ANK2: variants seen among roughly 807,000 people sequenced by gnomAD.
The protein encoded by ANK2 is ankyrin 2.
A neutral mutation model predicts 360.5 loss-of-function variants in ANK2; 83 were observed. The observed-to-expected ratio is 0.23, with a 90% confidence interval of 0.19 to 0.28. ANK2 has a LOEUF of 0.28. Among genes scored for constraint, ANK2 ranks in the 10% least tolerant of loss-of-function variants. The probability of loss-of-function intolerance (pLI) is 1.00; values close to 1 mark genes in which losing one functional copy is unlikely to be tolerated. For synonymous variants in ANK2, 1,740 were observed against 1,759.5 expected (o/e 0.99, Z 0.28); for missense variants, 4,201 against 4,795.7 (o/e 0.88, Z 3.66).
chr4:113,086,181 C>G (rs2084647201), intron 1 of ANK2, among the ~76,000 whole-genome samples: 1 of 152,158 alleles, frequency 6.6e-6, no homozygotes, highest in African/African-American at 2.4e-5. Context: ...CCACTGCATC[C>G]TGTTAATATA....
intron 24 of ANK2, among the ~76,000 whole-genome samples, chr4:113,315,645 T>C (rs960494578): frequency 7.2e-5 from 11 of 152,114 alleles, no homozygotes; most frequent in Admixed American, 2.0e-4. Context: ...ACGCCTGTAA[T>C]CCCAGCACTT....
At position 113,271,722 on chromosome 4, in the gene ANK2, A is replaced by G. The variant is rs547962848; in HGVS notation, c.1486-2730A>G. 6.6e-5 allele frequency among the ~76,000 whole-genome samples: 10 copies of G among 152,362 alleles called. No individual in the cohort carries two copies. The South Asian group carries it at 1.9e-3, about 28-fold the overall frequency. ...CAATATATAACAAAAGAAAAACCAT[A>G]TACTCATAATAACATCTGTAATTTT... On this transcript the variant is annotated intron_variant, in intron 14 of 45. Coordinates refer to ENST00000357077, the MANE Select transcript of ANK2 (RefSeq NM_001148.6).
At chr4:113,350,023 G>A (rs1311026390) in intron 36 of ANK2, among the ~76,000 whole-genome samples, 4 of 152,186 alleles carry the variant, frequency 2.6e-5, no homozygotes, top group African/African-American at 9.6e-5. Flanking sequence ...TACCTGTAGT[G>A]TCTAGAAAAC....
chr4:112,728,069 C>G, the ANK2 span, among the ~76,000 whole-genome samples: 2 of 151,456 alleles, frequency 1.3e-5, no homozygotes, highest in Non-Finnish European at 2.9e-5. Context: ...CCAAGGAAGG[C>G]GGATCACAAG....
At chr4:113,052,412 T>C (rs2067461666) in intron 1 of ANK2, among the ~76,000 whole-genome samples, 1 of 152,078 alleles carries the variant, frequency 6.6e-6, no homozygotes, top group Non-Finnish European at 1.5e-5. Flanking sequence ...TCTATCCTAC[T>C]GAATCATATT....
intron 1 of ANK2, among the ~76,000 whole-genome samples, chr4:112,841,097 C>G (rs1481062317): frequency 1.3e-5 from 2 of 152,168 alleles, no homozygotes; most frequent in African/African-American, 2.4e-5. Context: ...AAATTACACC[C>G]TTCCCTTTGC....
chr4:113,375,726 A>G (rs2096905206), intron 45 of ANK2, among the ~76,000 whole-genome samples: 1 of 149,418 alleles, frequency 6.7e-6, no homozygotes, highest in Admixed American at 6.7e-5. Flanking sequence ...ATTCGTCTCA[A>G]AAAAAAAAAA....
intron 1 of ANK2, among the ~76,000 whole-genome samples, chr4:113,173,723 A>G (rs2098083675): frequency 6.6e-6 from 1 of 152,170 alleles, no homozygotes; most frequent in African/African-American, 2.4e-5. Flanking sequence ...AGCAGTTTCC[A>G]TCCAGAGTGA....
chr4:113,004,783 C>G (rs1224329812), intron 2 of ANK2, among the ~76,000 whole-genome samples: 2 of 152,084 alleles, frequency 1.3e-5, no homozygotes, highest in Non-Finnish European at 2.9e-5. Context: ...TCAGCATCAC[C>G]ACAAACACAT....
chr4:113,065,871 G>A (rs887845401), intron 1 of ANK2, among the ~76,000 whole-genome samples: 9 of 152,058 alleles, frequency 5.9e-5, no homozygotes, highest in Non-Finnish European at 7.4e-5. Context: ...TTGTCGTACC[G>A]GTGCTCCCAA....
intron 1 of ANK2, among the ~76,000 whole-genome samples, chr4:113,101,674 A>T (rs113181771): frequency 6.6e-6 from 1 of 152,142 alleles, no homozygotes; most frequent in Non-Finnish European, 1.5e-5. Context: ...AGAGAAAAAA[A>T]AATTCAACAA....
chr4:113,337,063 C>A (rs189628725), intron 31 of ANK2, among the ~76,000 whole-genome samples: 178 of 152,228 alleles, frequency 1.2e-3, no homozygotes, highest in African/African-American at 4.0e-3. Context: ...GAGAAGGAAA[C>A]CATGGTTGAA....
At chr4:112,710,903 TTATA>T in the ANK2 span, among the ~76,000 whole-genome samples, 1,833 of 141,266 alleles carry the variant, frequency 0.013, 44 homozygotes, top group African/African-American at 0.045. Context: ...TGAACAGGTT[TTATA>T]TATATATATA....
intron 2 of ANK2, among the ~76,000 whole-genome samples, chr4:113,186,568 CTCTCTCTCTCTCTCTCTCT>C (rs1312765894): frequency 1.1e-4 from 9 of 79,570 alleles, no homozygotes; most frequent in Middle Eastern, 5.0e-3. Context: ...GTGTCTCTCT[CTCTCTCTCTCTCTCTCTCT>C]TCTCTCTCTC....
intron 2 of ANK2, among the ~76,000 whole-genome samples, chr4:113,019,600 C>T (rs1280621404): frequency 3.9e-5 from 6 of 152,038 alleles, no homozygotes; most frequent in African/African-American, 1.4e-4. Context: ...GATTTATGAA[C>T]ACAGATTAAC....
chr4:113,062,434 G>A (rs1047132847), intron 1 of ANK2, among the ~76,000 whole-genome samples: 1 of 151,998 alleles, frequency 6.6e-6, no homozygotes, highest in African/African-American at 2.4e-5. Context: ...CAATGATTTT[G>A]GATCTCATTA....
the ANK2 span, among the ~76,000 whole-genome samples, chr4:112,733,221 T>A: frequency 6.6e-6 from 1 of 151,424 alleles, no homozygotes; most frequent in Non-Finnish European, 1.5e-5. Flanking sequence ...GCCTCAAAAA[T>A]AATAATAATA....
the ANK2 span, among the ~76,000 whole-genome samples, chr4:112,771,875 G>A: frequency 6.6e-6 from 1 of 152,096 alleles, no homozygotes; most frequent in Non-Finnish European, 1.5e-5. Flanking sequence ...GTGAGCCACC[G>A]CACCTGGCCT....
chr4:113,011,118 A>C (rs997856021), intron 2 of ANK2, among the ~76,000 whole-genome samples: 3 of 147,382 alleles, frequency 2.0e-5, no homozygotes, highest in Non-Finnish European at 4.5e-5. Context: ...TTTAAAGATA[A>C]TAGTAAGGGG....
Sources: allele counts gnomAD v4.1 joint callset (sites outside exome capture counted in the v4.1 genomes callset), GRCh38; gene constraint gnomAD v4.1.1; transcripts MANE v1.5; gene names NCBI Gene and HGNC (gene_info 2026-07-23, HGNC 2026-07-21).